Variants in CDH18 observed in about 807,000 individuals in gnomAD.
CDH18 encodes cadherin 18, also known as cadherin-18.
Under a neutral mutation model 67.9 loss-of-function variants are expected in CDH18, and 31 were observed. The ratio of observed to expected loss-of-function variants is 0.46; its 90% CI spans 0.34 to 0.62. CDH18 has a LOEUF of 0.62. Ranked by LOEUF, CDH18 falls within the 20% of genes least tolerant of loss-of-function variation. The pLI is 0.01. For synonymous variants in CDH18, 362 were observed against 347.2 expected (o/e 1.04, Z -0.48); for missense variants, 890 against 975.5 (o/e 0.91, Z 1.17).
At chr5:20,278,605 G>A (rs1035821437) in intron 1 of CDH18, among the ~76,000 whole-genome samples, 1 of 151,998 alleles carries the variant, frequency 6.6e-6, no homozygotes, top group African/African-American at 2.4e-5. Flanking sequence ...GAGGAACATC[G>A]AATATGATAA....
chr5:20,312,632 T>A (rs578184689), intron 1 of CDH18, among the ~76,000 whole-genome samples: 20 of 152,142 alleles, frequency 1.3e-4, no homozygotes, highest in Non-Finnish European at 2.9e-4. Flanking sequence ...GCCCAGGTCT[T>A]TCTACAGTTT....
chr5:19,864,291 C>T (rs1250903153), intron 2 of CDH18, among the ~76,000 whole-genome samples: 8 of 149,956 alleles, frequency 5.3e-5, no homozygotes, highest in South Asian at 2.1e-4. Flanking sequence ...AAAAACCAAA[C>T]GCCACATGTT....
intron 1 of CDH18, among the ~76,000 whole-genome samples, chr5:20,269,872 C>A (rs1040014530): frequency 1.3e-5 from 2 of 151,756 alleles, no homozygotes; most frequent in African/African-American, 4.8e-5. Context: ...TATATGTATA[C>A]AAATGGAAAG....
chr5:20,500,949 G>C (rs1754213002), intron 1 of CDH18, among the ~76,000 whole-genome samples: 1 of 152,106 alleles, frequency 6.6e-6, no homozygotes, highest in Admixed American at 6.5e-5. Context: ...TTGTTTCTAA[G>C]AAGAATGATG....
rs35601486 is a variant in CDH18 at position 19,947,585 on chromosome 5, C to CA, written c.-257+33474dup. On this transcript the variant is annotated intron_variant, in intron 2 of 12. Coordinates refer to ENST00000382275, the MANE Select transcript of CDH18 (RefSeq NM_004934.5). ...GTGAAACTCCATCTCTACTAAAATA[C>CA]AAAAAAAAAAAAAAAAAAAAAAAAA... Among the ~76,000 whole-genome samples the CA allele has an allele frequency of 4.7e-3, 248 of 53,294 alleles. 6 individuals carry two copies. The highest frequency in any genetic ancestry group is 7.3e-3 in the East Asian group (7 of 958). The allele number at this position is 53,294 out of a possible 152,430, so 35.0% of individuals were successfully genotyped here.
At chr5:20,118,253 G>C (rs1051612215) in intron 2 of CDH18, among the ~76,000 whole-genome samples, 2 of 152,060 alleles carry the variant, frequency 1.3e-5, no homozygotes, top group Non-Finnish European at 2.9e-5. Context: ...TTATGTGATA[G>C]TATTCAGGTT....
intron 5 of CDH18, among the ~76,000 whole-genome samples, chr5:19,718,409 G>T (rs1448689131): frequency 1.3e-5 from 2 of 151,806 alleles, no homozygotes; most frequent in East Asian, 1.9e-4. Flanking sequence ...TATATAACAT[G>T]CCATCCAACT....
rs139705559 is a variant in CDH18 at position 19,562,601 on chromosome 5, T to C, written c.1253+8978A>G. On this transcript the variant is annotated intron_variant, in intron 8 of 12. Transcript: ENST00000382275. ...TCCATTTCTTTAAAATTATCCCTTATGTTGCAAAAATATTTTAAAATCTGG... is the reference window on the plus strand; with the variant it reads ...TCCATTTCTTTAAAATTATCCCTTACGTTGCAAAAATATTTTAAAATCTGG... 1.8e-4 allele frequency among the ~76,000 whole-genome samples: 27 copies of C among 152,044 alleles called. No individual in the cohort carries two copies. The East Asian group carries it at 4.3e-3, about 24-fold the overall frequency.
chr5:19,489,388 C>T (rs1291117431), intron 11 of CDH18, among the ~76,000 whole-genome samples: 16 of 151,768 alleles, frequency 1.1e-4, no homozygotes, highest in Admixed American at 9.9e-4. Context: ...GCTGGGACTA[C>T]AGGCGCCCGC....
At chr5:20,113,146 T>G (rs1369694758) in intron 2 of CDH18, among the ~76,000 whole-genome samples, 1 of 152,198 alleles carries the variant, frequency 6.6e-6, no homozygotes, top group Admixed American at 6.5e-5. Context: ...ATTGTAGTAT[T>G]TTTAAGCATT....
chr5:19,498,477 AT>A (rs1338097826), intron 11 of CDH18, among the ~76,000 whole-genome samples: 1 of 152,182 alleles, frequency 6.6e-6, no homozygotes, highest in East Asian at 1.9e-4. Flanking sequence ...ACAATTAAAG[AT>A]GATTGATACC....
intron 1 of CDH18, among the ~76,000 whole-genome samples, chr5:20,510,233 T>C (rs777129262): frequency 6.6e-5 from 10 of 152,158 alleles, no homozygotes; most frequent in Non-Finnish European, 1.3e-4. Flanking sequence ...GTTTTCTCGA[T>C]TGGGTTATTT....
At chr5:20,098,909 C>A (rs1383762285) in intron 2 of CDH18, among the ~76,000 whole-genome samples, 1 of 152,044 alleles carries the variant, frequency 6.6e-6, no homozygotes, top group Non-Finnish European at 1.5e-5. Flanking sequence ...TTATTTTAAT[C>A]TTTTTTGATT....
At chr5:20,169,556 C>T (rs926105706) in intron 2 of CDH18, among the ~76,000 whole-genome samples, 3 of 152,066 alleles carry the variant, frequency 2.0e-5, no homozygotes, top group Admixed American at 2.0e-4. Context: ...CTCCTTTGAA[C>T]CGTAAAAGCC....
At position 19,543,910 on chromosome 5, in the gene CDH18, T is replaced by C. The variant is rs1413817212; in HGVS notation, c.1349A>G (p.Glu450Gly). 1.3e-6 allele frequency: 2 copies of C among 1,592,126 alleles called. No homozygotes were observed. The highest frequency in any genetic ancestry group is 2.2e-5 in the East Asian group (1 of 44,722). The change falls in exon 9 of 13, where the codon GAA (glutamate) becomes GGA (glycine). Residue 450 changes from glutamate to glycine, a missense_variant. Around this residue, in one of 2 missense-constraint regions of CDH18, gnomAD observed 656 missense variants for 668.1 expected, o/e 0.98. Transcript: ENST00000382275. ...IRTTKVLDRE[E>G]TPWYNITVTA... ...GACTGTGATGTTGTACCATGGAGTT[T>C]CTTCTCTGTCGAGAACCTTTGTAGT... is the stretch of plus-strand genomic sequence containing the variant.
intron 2 of CDH18, among the ~76,000 whole-genome samples, chr5:19,922,158 G>T (rs1286375271): frequency 6.6e-6 from 1 of 152,138 alleles, no homozygotes; most frequent in Non-Finnish European, 1.5e-5. Flanking sequence ...TAAGGAGACT[G>T]AATTTTTTCA....
intron 2 of CDH18, among the ~76,000 whole-genome samples, chr5:19,961,043 C>T (rs975813448): frequency 2.7e-5 from 4 of 150,548 alleles, no homozygotes; most frequent in Non-Finnish European, 5.9e-5. Context: ...CATTGTGCTA[C>T]GATGTTACAA....
At chr5:20,349,186 T>C (rs982118660) in intron 1 of CDH18, among the ~76,000 whole-genome samples, 2 of 152,180 alleles carry the variant, frequency 1.3e-5, no homozygotes, top group African/African-American at 2.4e-5. Flanking sequence ...AACTAACTTC[T>C]AAAGGCCATT....
intron 2 of CDH18, among the ~76,000 whole-genome samples, chr5:20,072,176 A>G (rs1170663358): frequency 2.0e-5 from 3 of 152,060 alleles, no homozygotes; most frequent in Admixed American, 6.6e-5. Context: ...AAAGATTCTC[A>G]AGGAAAACTA....
Sources: allele counts gnomAD v4.1 joint callset (sites outside exome capture counted in the v4.1 genomes callset), GRCh38; gene constraint gnomAD v4.1.1; regional missense constraint gnomAD v4.1.1; transcripts MANE v1.5; gene names NCBI Gene and HGNC (gene_info 2026-07-23, HGNC 2026-07-21).